Variants in CALM3 observed in about 807,000 individuals in gnomAD.
The protein encoded by CALM3 is calmodulin 3.
In CALM3, 5 loss-of-function variants were observed where a neutral mutation model predicts 20.1. The ratio of observed to expected loss-of-function variants is 0.25; its 90% confidence interval spans 0.13 to 0.52. The LOEUF (loss-of-function observed/expected upper bound fraction) is 0.52, where lower values mean the gene tolerates loss of function less well. Among genes scored for constraint, CALM3 ranks in the 20% least tolerant of loss-of-function variants. The probability of loss-of-function intolerance (pLI) is 0.96; values close to 1 mark genes in which losing one functional copy is unlikely to be tolerated. For synonymous variants in CALM3, 69 were observed against 68.1 expected (o/e 1.01, Z -0.06); for missense variants, 57 against 192.8 (o/e 0.30, Z 4.17).
In CALM3 at chr19:46,610,541, G is replaced by C. The variant is rs898653996; in HGVS notation, c.*1388G>C. On this transcript the variant is annotated 3_prime_UTR_variant, in exon 6 of 6. Transcript: ENST00000291295. ...GATCAAGTGGCTTTTCCTGGGACCT[G>C]CCCAGCTTTGAGAATCTCTTCTCAT... 1.4e-5 allele frequency: 2 copies of C among 138,194 alleles called. No homozygotes were observed. The highest frequency in any genetic ancestry group is 5.5e-5 in the African/African-American group (2 of 36,102). 8.6% of individuals were successfully genotyped at this position (138,194 alleles called of 1,614,324 possible). A position where few individuals can be genotyped will look rare whatever the true frequency, so the allele number is the denominator to read the frequency against.
chr19:46,604,222 G>C (rs554193996), intron 1 of CALM3, among the ~76,000 whole-genome samples: 6 of 152,070 alleles, frequency 3.9e-5, no homozygotes, highest in Non-Finnish European at 7.4e-5. Context: ...TCTTCCTCAG[G>C]TGTCAGGACC....
At chr19:46,606,039 C>A in intron 2 of CALM3, 182 bp downstream of exon 2, 1 of 592,608 alleles carries the variant, frequency 1.7e-6, no homozygotes, top group Non-Finnish European at 3.0e-6. Flanking sequence ...CCCAATGACA[C>A]GAAGCCCCAT....
In CALM3 at chr19:46,601,453, G is replaced by A; in HGVS notation, c.3+16G>A. On this transcript the variant is annotated intron_variant, in intron 1 of 5. Coordinates refer to ENST00000291295, the MANE Select transcript of CALM3 (RefSeq NM_005184.4). The surrounding 1 kb of genome is among the most constrained non-coding windows in gnomAD (Gnocchi z 4.2). ...CCTCGCCATGGTGAGTGAGGCTGGGGGGTCGCCGAGGCTGCGGGCTCTGAG... is the reference window on the plus strand; with the variant it reads ...CCTCGCCATGGTGAGTGAGGCTGGGAGGTCGCCGAGGCTGCGGGCTCTGAG... 1 of 1,494,612 alleles carries A rather than the reference G, an allele frequency of 6.7e-7. No individual in the cohort carries two copies. Among genetic ancestry groups the A allele is most frequent in the Non-Finnish European group, 8.9e-7 (1 of 1,122,510 alleles). The allele number at this position is 1,494,612 out of a possible 1,614,324, so 92.6% of individuals were successfully genotyped here. A position where few individuals can be genotyped will look rare whatever the true frequency, so the allele number is the denominator to read the frequency against.
chr19:46,608,264 G>A lies in CALM3; in HGVS notation c.102G>A (p.Gly34=). The A allele has an allele frequency of 6.2e-7, 1 of 1,614,100 alleles. No homozygotes were observed. Among genetic ancestry groups the A allele is most frequent in the Non-Finnish European group, 8.5e-7 (1 of 1,179,958 alleles). ...GCACTATCACCACCAAGGAGTTGGGGACAGTGATGAGATCCCTGGGACAGA... is the reference window on the plus strand; with the variant it reads ...GCACTATCACCACCAAGGAGTTGGGAACAGTGATGAGATCCCTGGGACAGA... ...GDGTITTKEL[G]TVMRSLGQNP... is the part of the protein sequence containing the mutation. The change falls in exon 3 of 6, where the codon GGG becomes GGA. Residue 34 remains glycine (G), a synonymous_variant. Coordinates refer to ENST00000291295, the MANE Select transcript of CALM3 (RefSeq NM_005184.4). This position sits in a 1 kb window ranked among gnomAD's most constrained non-coding sequence, Gnocchi z 5.5.
intron 1 of CALM3, among the ~76,000 whole-genome samples, chr19:46,603,339 G>A (rs62136951): frequency 6.6e-6 from 1 of 152,362 alleles, no homozygotes; most frequent in South Asian, 2.1e-4. Context: ...TTCTCTTTCT[G>A]TTTGTAATCA....
Position 46,605,183 on chromosome 19 carries a change from G to C in CALM3, c.4-644G>C, listed in dbSNP as rs933703804. 3 of 152,512 alleles carry C rather than the reference G, an allele frequency of 2.0e-5. No individual in the cohort carries two copies. Among genetic ancestry groups the C allele is most frequent in the Non-Finnish European group, 4.4e-5 (3 of 68,260 alleles). 9.4% of individuals were successfully genotyped at this position (152,512 alleles called of 1,614,324 possible). A position where few individuals can be genotyped will look rare whatever the true frequency, so the allele number is the denominator to read the frequency against. The stretch of plus-strand genomic sequence containing the variant: ...GGCCCTGTGCCCTCACTGTGCGCAG[G>C]GGGTGGAGCGCCTGCCTCCAGCCTG... On this transcript the variant is annotated intron_variant, in intron 1 of 5. Transcript: ENST00000291295. The surrounding 1 kb of genome is among the most constrained non-coding windows in gnomAD (Gnocchi z 4.1).
Position 46,607,636 on chromosome 19 carries a change from C to A in CALM3, c.35-561C>A, listed in dbSNP as rs982361705. ...TTCTGCTGCCGACCACCCCCACGCT[C>A]ACCACACGCAGTGGCTCAGCTCCTT... On this transcript the variant is annotated intron_variant, in intron 2 of 5. Coordinates refer to ENST00000291295, the MANE Select transcript of CALM3 (RefSeq NM_005184.4). Among the ~76,000 whole-genome samples, 22 of 152,200 alleles carry A rather than the reference C, an allele frequency of 1.4e-4. 1 individual carries two copies. Among genetic ancestry groups the A allele is most frequent in the Admixed American group, 1.0e-3 (16 of 15,284 alleles).
Position 46,610,638 on chromosome 19 carries a change from G to A in CALM3, c.*1485G>A, listed in dbSNP as rs955068795. ...GTGGGAGACCCAGCCAAGAGCTGAGGGTAAGGGCAGGTAGGCGTGAGGCTG... is the reference window on the plus strand; with the variant it reads ...GTGGGAGACCCAGCCAAGAGCTGAGAGTAAGGGCAGGTAGGCGTGAGGCTG... On this transcript the variant is annotated 3_prime_UTR_variant, in exon 6 of 6. Transcript: ENST00000291295. 3.3e-5 allele frequency: 5 copies of A among 152,670 alleles called. No individual in the cohort carries two copies. The highest frequency in any genetic ancestry group is 2.0e-4 in the Admixed American group (3 of 15,272). The allele number at this position is 152,670 out of a possible 1,614,324, so 9.5% of individuals were successfully genotyped here.
intron 1 of CALM3, chr19:46,602,623 C>A: frequency 5.2e-6 from 1 of 192,184 alleles, no homozygotes. Flanking sequence ...TGGAAGACAC[C>A]GGGGCAGTGG....
Position 46,609,520 on chromosome 19 carries a change from T to G in CALM3, c.*367T>G. 2 of 296,866 alleles carry G rather than the reference T, an allele frequency of 6.7e-6. No individual in the cohort carries two copies. Among genetic ancestry groups the G allele is most frequent in the Non-Finnish European group, 1.3e-5 (2 of 156,596 alleles). 18.4% of individuals were successfully genotyped at this position (296,866 alleles called of 1,614,324 possible). A position where few individuals can be genotyped will look rare whatever the true frequency, so the allele number is the denominator to read the frequency against. ...GTTTCCTCTTGTTTGTCATCTTATT[T>G]TGGGTGCTGGGGTGGCTGCCAGCCC... On this transcript the variant is annotated 3_prime_UTR_variant, in exon 6 of 6. Transcript: ENST00000291295.
In CALM3 at chr19:46,608,375, C is replaced by G; in HGVS notation, c.178+35C>G. On this transcript the variant is annotated intron_variant, in intron 3 of 5. Transcript: ENST00000291295. This position sits in a 1 kb window ranked among gnomAD's most constrained non-coding sequence, Gnocchi z 5.5. ...ACAGAGCGCGTGGGCAGCCCTGCTCCTGGTCACCCCGAGTGACTGCAGGGA... is the reference window on the plus strand; with the variant it reads ...ACAGAGCGCGTGGGCAGCCCTGCTCGTGGTCACCCCGAGTGACTGCAGGGA... 6.2e-7 allele frequency: 1 copy of G among 1,612,806 alleles called. No individual in the cohort carries two copies. Among genetic ancestry groups the G allele is most frequent in the Non-Finnish European group, 8.5e-7 (1 of 1,179,100 alleles).
Position 46,608,613 on chromosome 19 carries a change from C to T in CALM3, c.285+25C>T, listed in dbSNP as rs548903947. The T allele has an allele frequency of 1.9e-6, 3 of 1,567,658 alleles. No homozygotes were observed. In the Admixed American group the frequency reaches 5.0e-5, roughly 26 times the overall value. On this transcript the variant is annotated intron_variant, in intron 4 of 5. Coordinates refer to ENST00000291295, the MANE Select transcript of CALM3 (RefSeq NM_005184.4). This position sits in a 1 kb window ranked among gnomAD's most constrained non-coding sequence, Gnocchi z 5.5. ...GGTAAGCAGCCCTCTCCAGGGGCGG[C>T]TCTGAGACTGACGCCAGCCTTCAGG... is the stretch of plus-strand genomic sequence containing the variant.
chr19:46,608,038 A>C lies in CALM3; in HGVS notation c.35-159A>C. On this transcript the variant is annotated intron_variant, in intron 2 of 5. Transcript: ENST00000291295. This position sits in a 1 kb window ranked among gnomAD's most constrained non-coding sequence, Gnocchi z 5.5. ...TGGAAGGGCTTTGCCCTGAGCACTG[A>C]GGAGAGAGAGCTGGTTGCGTGGGAC... 1 of 659,488 alleles carries C rather than the reference A, an allele frequency of 1.5e-6. No homozygotes were observed. Among genetic ancestry groups the C allele is most frequent in the Non-Finnish European group, 2.6e-6 (1 of 378,084 alleles). The allele number at this position is 659,488 out of a possible 1,614,324, so 40.9% of individuals were successfully genotyped here.
intron 2 of CALM3, among the ~76,000 whole-genome samples, chr19:46,607,632 C>G (rs930900931): frequency 6.6e-6 from 1 of 152,202 alleles, no homozygotes; most frequent in Non-Finnish European, 1.5e-5. Context: ...ACCACCCCCA[C>G]GCTCACCACA....
Position 46,608,647 on chromosome 19 carries a change from CG to C in CALM3, c.285+61del, listed in dbSNP as rs1971796992. On this transcript the variant is annotated intron_variant, in intron 4 of 5. Coordinates refer to ENST00000291295, the MANE Select transcript of CALM3 (RefSeq NM_005184.4). This position sits in a 1 kb window ranked among gnomAD's most constrained non-coding sequence, Gnocchi z 5.5. ...TGACGCCAGCCTTCAGGCAGACAGG[CG>C]GAACTGGAGCCACGGAGCTACCACT... The C allele has an allele frequency of 6.9e-7, 1 of 1,451,286 alleles. No individual in the cohort carries two copies. The highest frequency in any genetic ancestry group is 9.6e-7 in the Non-Finnish European group (1 of 1,038,698). 89.9% of individuals were successfully genotyped at this position (1,451,286 alleles called of 1,614,324 possible).
rs1971843224 is a variant in CALM3 at position 46,610,036 on chromosome 19, T to C, written c.*883T>C. On this transcript the variant is annotated 3_prime_UTR_variant, in exon 6 of 6. Coordinates refer to ENST00000291295, the MANE Select transcript of CALM3 (RefSeq NM_005184.4). ...GATGGTCGCTTTGTAATGTGCTGGT[T>C]CTCTTTTTTTTTCTTTCCCCTCTAT... 1 of 152,578 alleles carries C rather than the reference T, an allele frequency of 6.6e-6. No homozygotes were observed. Among genetic ancestry groups the C allele is most frequent in the Non-Finnish European group, 1.5e-5 (1 of 68,058 alleles). The allele number at this position is 152,578 out of a possible 1,614,324, so 9.5% of individuals were successfully genotyped here.
In CALM3 at chr19:46,602,186, G is replaced by A. The variant is rs1399523318; in HGVS notation, c.3+749G>A. The A allele has an allele frequency of 5.9e-6, 8 of 1,354,364 alleles. No homozygotes were observed. The African/African-American group carries it at 1.2e-4, about 20-fold the overall frequency. 83.9% of individuals were successfully genotyped at this position (1,354,364 alleles called of 1,614,324 possible). A position where few individuals can be genotyped will look rare whatever the true frequency, so the allele number is the denominator to read the frequency against. ...GCTTCCGGGACGGAGAAGGATCAGGGTCGTGGAGGTGGTGAAAAGGGATGG... is the reference window on the plus strand; with the variant it reads ...GCTTCCGGGACGGAGAAGGATCAGGATCGTGGAGGTGGTGAAAAGGGATGG... On this transcript the variant is annotated intron_variant, in intron 1 of 5. Coordinates refer to ENST00000291295, the MANE Select transcript of CALM3 (RefSeq NM_005184.4).
chr19:46,601,363 TG>T lies in CALM3; in HGVS notation c.-70del. ...TGGAGGCGCGGACGCGCGGCGGAGC[TG>T]GAACTGCTGCAGCTGCTGCCGCCGC... On this transcript the variant is annotated 5_prime_UTR_variant, in exon 1 of 6. Transcript: ENST00000291295. The surrounding 1 kb of genome is among the most constrained non-coding windows in gnomAD (Gnocchi z 4.2). 6.8e-7 allele frequency: 1 copy of T among 1,467,260 alleles called. No individual in the cohort carries two copies. Among genetic ancestry groups the T allele is most frequent in the South Asian group, 1.2e-5 (1 of 80,160 alleles). 90.9% of individuals were successfully genotyped at this position (1,467,260 alleles called of 1,614,324 possible).
At chr19:46,604,097 G>T (rs534086168) in intron 1 of CALM3, among the ~76,000 whole-genome samples, 4 of 152,228 alleles carry the variant, frequency 2.6e-5, no homozygotes, top group Admixed American at 2.6e-4. Context: ...CAGATGGGAT[G>T]GCAGCCACCT....
Sources: allele counts gnomAD v4.1 joint callset (sites outside exome capture counted in the v4.1 genomes callset), GRCh38; gene constraint gnomAD v4.1.1; non-coding constraint Gnocchi (gnomAD v3.1); transcripts MANE v1.5; gene names NCBI Gene and HGNC (gene_info 2026-07-23, HGNC 2026-07-21).